The following TRPC5OS variants were observed in gnomAD, a reference collection of about 807,000 sequenced individuals.
The protein encoded by TRPC5OS is TRPC5 opposite strand, also known as putative uncharacterized protein TRPC5OS.
For missense variants in TRPC5OS, 64 were observed against 79.3 expected, an observed-to-expected ratio of 0.81 and a Z score of 0.73; for synonymous variants, 30 against 29.3, an observed-to-expected ratio of 1.02 and a Z score of -0.08.
At chrX:111,885,505 C>T (rs923944875) in intron 1 of TRPC5OS, among the ~76,000 whole-genome samples, 1 of 109,446 alleles carries the variant, frequency 9.1e-6, no homozygotes, top group Non-Finnish European at 1.9e-5. Flanking sequence ...CCCCTTATTC[C>T]TGGAAAATCA....
chrX:111,880,645 A>C (rs1028740879), intron 1 of TRPC5OS, among the ~76,000 whole-genome samples: 2 of 112,440 alleles, frequency 1.8e-5, no homozygotes, highest in African/African-American at 6.5e-5. Context: ...AAAAATGATT[A>C]GTTGGGCCAA....
chrX:111,893,079 GTT>G (rs79584045), intron 1 of TRPC5OS, among the ~76,000 whole-genome samples: 6 of 88,156 alleles, frequency 6.8e-5, no homozygotes, highest in Admixed American at 1.3e-4. Context: ...CAAATATAGG[GTT>G]TTTTTTTTTT....
At chrX:111,882,035 C>T (rs1924249724) in intron 1 of TRPC5OS, 1 of 107,236 alleles carries the variant, frequency 9.3e-6, no homozygotes, top group Non-Finnish European at 1.9e-5. Flanking sequence ...GAAGATCTCT[C>T]TTCTAAACTG....
At chrX:111,894,733 A>T (rs1569527583) in intron 1 of TRPC5OS, among the ~76,000 whole-genome samples, 1 of 110,631 alleles carries the variant, frequency 9.0e-6, no homozygotes, top group Non-Finnish European at 1.9e-5. Flanking sequence ...AAATAAAACT[A>T]TTTTTTTTGA....
At chrX:111,897,929 T>A (rs759351525) in intron 3 of TRPC5OS, among the ~76,000 whole-genome samples, 2 of 111,036 alleles carry the variant, frequency 1.8e-5, no homozygotes, top group East Asian at 5.6e-4. Flanking sequence ...AGGTGCATGA[T>A]TAGTTTTATA....
At chrX:111,894,108 G>A (rs934080773) in intron 1 of TRPC5OS, among the ~76,000 whole-genome samples, 7 of 111,412 alleles carry the variant, frequency 6.3e-5, no homozygotes, top group Non-Finnish European at 9.4e-5. Context: ...TTGTAAATAG[G>A]AATCTGGCAC....
At chrX:111,878,243 AAAAAT>A (rs1924049504) in intron 1 of TRPC5OS, among the ~76,000 whole-genome samples, 1 of 111,237 alleles carries the variant, frequency 9.0e-6, no homozygotes, top group East Asian at 2.8e-4. Context: ...TATGTCAATT[AAAAAT>A]AAAATAAAAT....
chrX:111,893,118 T>A (rs1441215303), intron 1 of TRPC5OS, among the ~76,000 whole-genome samples: 4 of 106,821 alleles, frequency 3.7e-5, no homozygotes, highest in Non-Finnish European at 7.7e-5. Flanking sequence ...CCTATTCTTA[T>A]AACCACTAGT....
chrX:111,888,693 C>CAAA (rs753735549), intron 1 of TRPC5OS, among the ~76,000 whole-genome samples: 1,582 of 10,981 alleles, frequency 0.14, 223 homozygotes, highest in African/African-American at 0.32. Flanking sequence ...GACTCTATCT[C>CAAA]AAAAAAAAAA....
At chrX:111,877,210 C>T (rs753841221) in intron 1 of TRPC5OS, among the ~76,000 whole-genome samples, 2 of 111,145 alleles carry the variant, frequency 1.8e-5, no homozygotes, top group Admixed American at 9.6e-5. Flanking sequence ...AAGGAAGTGA[C>T]GTTAAAGAAG....
intron 1 of TRPC5OS, among the ~76,000 whole-genome samples, chrX:111,889,109 A>G (rs1160224591): frequency 8.9e-6 from 1 of 112,202 alleles, no homozygotes; most frequent in Admixed American, 9.5e-5. Flanking sequence ...TTTGGGAGTC[A>G]TCTGCCTATA....
Position 111,900,156 on chromosome X carries a change from T to A in TRPC5OS, c.-310-1384T>A, listed in dbSNP as rs186996340. On this transcript the variant is annotated intron_variant, in intron 3 of 3. Transcript: ENST00000635763. ...TGATTTTCTGTACTCCAATAAATATTCAAGGATTATAGTCAGCTGAAAGTG... is the reference window on the plus strand; with the variant it reads ...TGATTTTCTGTACTCCAATAAATATACAAGGATTATAGTCAGCTGAAAGTG... Among the ~76,000 whole-genome samples, 579 of 112,006 alleles carry A rather than the reference T, an allele frequency of 5.2e-3. 3 individuals carry two copies. The highest frequency in any genetic ancestry group is 0.018 in the African/African-American group (560 of 30,902).
At chrX:111,887,633 A>G in intron 1 of TRPC5OS, among the ~76,000 whole-genome samples, 1 of 112,322 alleles carries the variant, frequency 8.9e-6, no homozygotes, top group Non-Finnish European at 1.9e-5. Context: ...CTAAATGTGA[A>G]ATGGAGATAA....
At chrX:111,877,054 A>G (rs369268528) in intron 1 of TRPC5OS, among the ~76,000 whole-genome samples, 31 of 111,672 alleles carry the variant, frequency 2.8e-4, no homozygotes, top group East Asian at 2.5e-3. Context: ...TTTCAGAATG[A>G]TCAATCTTTG....
chrX:111,888,736 A>G (rs1924658590), intron 1 of TRPC5OS, among the ~76,000 whole-genome samples: 1 of 107,691 alleles, frequency 9.3e-6, no homozygotes, highest in African/African-American at 3.4e-5. Flanking sequence ...AAAGAAAAGA[A>G]AAGAGACTGT....
At chrX:111,895,832 C>T (rs1476380788) in intron 1 of TRPC5OS, 119 bp from the exon 2 acceptor site, 1 of 111,700 alleles carries the variant, frequency 9.0e-6, no homozygotes, top group African/African-American at 3.3e-5. Context: ...TTCACTATTA[C>T]TAGCCTTTAT....
chrX:111,900,474 T>C (rs1275021300), intron 3 of TRPC5OS, among the ~76,000 whole-genome samples: 1 of 111,879 alleles, frequency 8.9e-6, no homozygotes, highest in Non-Finnish European at 1.9e-5. Flanking sequence ...AAGGGAGATA[T>C]GAAAATAAAT....
chrX:111,895,007 C>A (rs1924996038), intron 1 of TRPC5OS, among the ~76,000 whole-genome samples: 1 of 110,907 alleles, frequency 9.0e-6, no homozygotes, highest in African/African-American at 3.3e-5. Flanking sequence ...CATTCTTGTG[C>A]CTGTATCTTG....
chrX:111,889,291 G>A, intron 1 of TRPC5OS, among the ~76,000 whole-genome samples: 1 of 111,461 alleles, frequency 9.0e-6, no homozygotes, highest in Non-Finnish European at 1.9e-5. Context: ...CTTTAGCAAG[G>A]GTAGTAAGGT....
Sources: gnomAD v4.1 joint callset for allele counts (sites outside exome capture counted in the v4.1 genomes callset) on GRCh38, gnomAD v4.1.1 for gene constraint, MANE v1.5 for transcripts, NCBI Gene and HGNC (gene_info 2026-07-23, HGNC 2026-07-21) for gene names.